The following TP73 variants were observed in gnomAD, a reference collection of about 807,000 sequenced individuals.
TP73 encodes p53-like transcription factor.
In TP73, 25 loss-of-function variants were observed where a neutral mutation model predicts 62.5. That is an observed-to-expected ratio of 0.40 (90% CI 0.29 to 0.56). TP73 has a LOEUF of 0.56. TP73 is among the 20% of genes least tolerant of loss of function. The probability of loss-of-function intolerance (pLI) is 0.46; values close to 1 mark genes in which losing one functional copy is unlikely to be tolerated. For synonymous variants in TP73, 423 were observed against 377.5 expected (o/e 1.12, Z -1.40); for missense variants, 754 against 913.3 (o/e 0.83, Z 2.25).
chr1:3,715,459 T>C (rs1412219731), intron 4 of TP73, among the ~76,000 whole-genome samples: 1 of 151,944 alleles, frequency 6.6e-6, no homozygotes, highest in African/African-American at 2.4e-5. Flanking sequence ...GAGATGGAGC[T>C]TGGGGGTCAG....
rs1642275689 is a variant in TP73, at chr1:3,733,253, C to T, written c.*174C>T. On this transcript the variant is annotated 3_prime_UTR_variant, in exon 14 of 14. Coordinates refer to ENST00000378295, the MANE Select transcript of TP73 (RefSeq NM_005427.4). Reference sequence around the variant, plus strand: ...ACAGGCCCCAGGAAAGGCCCAGCCACCGAAGCCGCCTGTGGACAGCCTGAG... The same window carrying T: ...ACAGGCCCCAGGAAAGGCCCAGCCATCGAAGCCGCCTGTGGACAGCCTGAG... The T allele has an allele frequency of 2.6e-6, 2 of 763,852 alleles. No individual in the cohort carries two copies. Among genetic ancestry groups the T allele is most frequent in the African/African-American group, 1.8e-5 (1 of 56,674 alleles). 47.3% of individuals were successfully genotyped at this position (763,852 alleles called of 1,614,324 possible). A position where few individuals can be genotyped will look rare whatever the true frequency, so the allele number is the denominator to read the frequency against.
intron 1 of TP73, among the ~76,000 whole-genome samples, chr1:3,671,857 C>T (rs774357831): frequency 8.5e-5 from 13 of 152,090 alleles, no homozygotes; most frequent in Non-Finnish European, 1.9e-4. Context: ...GGTGGACCCC[C>T]GTGATCGCTG....
chr1:3,695,088 A>T (rs369836961), intron 3 of TP73, among the ~76,000 whole-genome samples: 88 of 152,280 alleles, frequency 5.8e-4, no homozygotes, highest in African/African-American at 1.9e-3. Context: ...CCACGTTCTG[A>T]GTCTGCGGCT....
In TP73 at chr1:3,670,146, C is replaced by A. The variant is rs1251757321; in HGVS notation, c.-33-12187C>A. On this transcript the variant is annotated intron_variant, in intron 1 of 13. Transcript: ENST00000378295. The surrounding 1 kb of genome is among the most constrained non-coding windows in gnomAD (Gnocchi z 5.9). Reference sequence around the variant, plus strand: ...CTGGCTTGCTGTGTCGCTCTGGGTGCGTTTTACACCACTCTGAGGATCTCT... The same window carrying A: ...CTGGCTTGCTGTGTCGCTCTGGGTGAGTTTTACACCACTCTGAGGATCTCT... Among the ~76,000 whole-genome samples, 1 of 151,864 alleles carries A rather than the reference C, an allele frequency of 6.6e-6. No homozygotes were observed. The highest frequency in any genetic ancestry group is 1.5e-5 in the Non-Finnish European group (1 of 67,982).
In TP73 at chr1:3,723,377, C is replaced by A. The variant is rs1031408044; in HGVS notation, c.640C>A (p.Leu214Ile). The change falls in exon 6 of 14, where the codon CTC (leucine) becomes ATC (isoleucine). Residue 214 changes from leucine to isoleucine, a missense_variant. This residue lies in a region of TP73 where 61 missense variants were observed against 133.2 expected (regional missense o/e 0.46). Coordinates refer to ENST00000378295, the MANE Select transcript of TP73 (RefSeq NM_005427.4). The stretch of plus-strand genomic sequence containing the variant: ...AGGACAGTCTGCTCCAGCCAGCCAC[C>A]TCATCCGCGTGGAAGGCAATAATCT... Reference protein sequence around the residue: ...NEGQSAPASHLIRVEGNNLSQ... With the variant: ...NEGQSAPASHIIRVEGNNLSQ... The A allele has an allele frequency of 3.1e-6, 5 of 1,612,686 alleles. No individual in the cohort carries two copies. The highest frequency in any genetic ancestry group is 4.2e-6 in the Non-Finnish European group (5 of 1,179,874).
At chr1:3,691,972 G>A (rs1417526408) in intron 3 of TP73, among the ~76,000 whole-genome samples, 1 of 152,036 alleles carries the variant, frequency 6.6e-6, no homozygotes, top group African/African-American at 2.4e-5. Context: ...GTGGCGGGTG[G>A]GTATTGGTGT....
chr1:3,698,162 G>A, intron 3 of TP73: 1 of 979,824 alleles, frequency 1.0e-6, no homozygotes, highest in Non-Finnish European at 1.2e-6. Context: ...GTGGATGGAT[G>A]GGCAGACAGA....
At chr1:3,730,266 C>G in intron 11 of TP73, 118 bp downstream of exon 11, 1 of 1,218,548 alleles carries the variant, frequency 8.2e-7, no homozygotes, top group Admixed American at 3.2e-5. Context: ...TGGCTGGCTC[C>G]TTCCAGCGGT....
Position 3,722,213 on chromosome 1 carries a change from G to A in TP73, c.616+6G>A. The A allele has an allele frequency of 6.2e-7, 1 of 1,612,368 alleles. No homozygotes were observed. The highest frequency in any genetic ancestry group is 1.1e-5 in the South Asian group (1 of 91,048). On this transcript the variant is annotated splice_donor_region_variant and intron_variant, in intron 5 of 13. Transcript: ENST00000378295. ...CGGGAGGGACTTCAACGAAGGTGAG[G>A]GCCCCCAGCTCCTCTGCCCACGGTG... is the stretch of plus-strand genomic sequence containing the variant.
intron 13 of TP73, among the ~76,000 whole-genome samples, chr1:3,732,449 A>T (rs115750164): frequency 6.7e-6 from 1 of 150,204 alleles, no homozygotes; most frequent in Non-Finnish European, 1.5e-5. Flanking sequence ...GGTCCACTCC[A>T]GGGGGCAGGG....
intron 1 of TP73, among the ~76,000 whole-genome samples, chr1:3,671,524 T>G (rs1645240257): frequency 6.6e-6 from 1 of 152,206 alleles, no homozygotes; most frequent in African/African-American, 2.4e-5. Context: ...GGGCAAAGGC[T>G]GGATCGTTGT....
At chr1:3,722,702 C>A (rs180791748) in intron 5 of TP73, among the ~76,000 whole-genome samples, 89 of 150,744 alleles carry the variant, frequency 5.9e-4, no homozygotes, top group Non-Finnish European at 9.0e-4. Flanking sequence ...GGGTGGGCAC[C>A]TCTCTGCACC....
intron 3 of TP73, among the ~76,000 whole-genome samples, chr1:3,703,149 C>T (rs1406770425): frequency 6.6e-6 from 1 of 152,216 alleles, no homozygotes; most frequent in African/African-American, 2.4e-5. Flanking sequence ...TTCATAACTG[C>T]AGCTGCAAAG....
chr1:3,670,701 G>T lies in TP73; in HGVS notation c.-33-11632G>T, dbSNP rs980655785. Among the ~76,000 whole-genome samples the T allele has an allele frequency of 6.6e-6, 1 of 152,092 alleles. No homozygotes were observed. Among genetic ancestry groups the T allele is most frequent in the Non-Finnish European group, 1.5e-5 (1 of 68,014 alleles). ...AAATAAAATAAAAAAGATAGGAAAA[G>T]AAAAAGAAAAAGTGAGGAGAAATGA... On this transcript the variant is annotated intron_variant, in intron 1 of 13. Coordinates refer to ENST00000378295, the MANE Select transcript of TP73 (RefSeq NM_005427.4). The surrounding 1 kb of genome is among the most constrained non-coding windows in gnomAD (Gnocchi z 5.9).
At chr1:3,730,452 C>G (rs1211623880) in intron 11 of TP73, among the ~76,000 whole-genome samples, 1 of 152,176 alleles carries the variant, frequency 6.6e-6, no homozygotes, top group Admixed American at 6.5e-5. Context: ...TCCCCATCAG[C>G]AAATGGCCAC....
intron 3 of TP73, among the ~76,000 whole-genome samples, chr1:3,692,080 GGTGT>G (rs770296050): frequency 6.6e-6 from 1 of 152,174 alleles, no homozygotes; most frequent in Non-Finnish European, 1.5e-5. Context: ...TGTACAGGCT[GGTGT>G]GTGTGTATGT....
At chr1:3,725,504 G>C (rs904561093) in intron 6 of TP73, among the ~76,000 whole-genome samples, 1 of 135,846 alleles carries the variant, frequency 7.4e-6, no homozygotes, top group Middle Eastern at 3.4e-3. Flanking sequence ...TGGTGAATGG[G>C]TGAATGGATG....
intron 3 of TP73, among the ~76,000 whole-genome samples, chr1:3,687,219 C>T (rs1276734479): frequency 6.6e-6 from 1 of 152,162 alleles, no homozygotes; most frequent in Non-Finnish European, 1.5e-5. Flanking sequence ...CCGGGCCTCC[C>T]CATGGGCTGG....
intron 1 of TP73, among the ~76,000 whole-genome samples, chr1:3,676,261 T>G (rs1645365943): frequency 8.7e-6 from 1 of 114,692 alleles, no homozygotes; most frequent in African/African-American, 3.5e-5. Context: ...CCCATGGGGA[T>G]AGGGCAGGGA....
Sources: gnomAD v4.1 joint callset for allele counts (sites outside exome capture counted in the v4.1 genomes callset) on GRCh38, gnomAD v4.1.1 for gene constraint, gnomAD v4.1.1 regional missense constraint, Gnocchi (gnomAD v3.1) non-coding constraint, MANE v1.5 for transcripts, NCBI Gene and HGNC (gene_info 2026-07-23, HGNC 2026-07-21) for gene names.